CSMD3: variants seen among roughly 807,000 people sequenced by gnomAD.
The protein encoded by CSMD3 is CUB and Sushi multiple domains 3.
Under a neutral mutation model 435.2 loss-of-function variants are expected in CSMD3, and 177 were observed. The ratio of observed to expected loss-of-function variants is 0.41; its 90% CI spans 0.36 to 0.46. The LOEUF is 0.46. Ranked by LOEUF, CSMD3 falls within the 20% of genes least tolerant of loss-of-function variation. The pLI is 0.34. For synonymous variants in CSMD3, 1,656 were observed against 1,520.5 expected, an observed-to-expected ratio of 1.09 and a Z score of -2.07; for missense variants, 4,265 against 4,504.6, an observed-to-expected ratio of 0.95 and a Z score of 1.52.
intron 3 of CSMD3, among the ~76,000 whole-genome samples, chr8:113,266,153 C>T (rs551328408): frequency 3.5e-5 from 5 of 142,914 alleles, no homozygotes; most frequent in African/African-American, 1.3e-4. Flanking sequence ...ATTTTTAAAG[C>T]TTAGTAGTTG....
At chr8:112,716,208 A>T (rs1002847590) in intron 13 of CSMD3, among the ~76,000 whole-genome samples, 9 of 152,218 alleles carry the variant, frequency 5.9e-5, no homozygotes, top group Non-Finnish European at 8.8e-5. Context: ...CCTTAAGCTG[A>T]TAAGCACTTC....
intron 3 of CSMD3, among the ~76,000 whole-genome samples, chr8:113,211,643 C>T (rs558534210): frequency 2.2e-4 from 33 of 152,122 alleles, no homozygotes; most frequent in Admixed American, 3.9e-4. Flanking sequence ...GAGCCGAGAT[C>T]GCACCACTGC....
At chr8:112,444,479 G>A (rs1815377385) in intron 32 of CSMD3, among the ~76,000 whole-genome samples, 1 of 152,126 alleles carries the variant, frequency 6.6e-6, no homozygotes, top group Non-Finnish European at 1.5e-5. Context: ...AAGGACAATA[G>A]ATAAATGCCC....
At chr8:112,746,890 T>C (rs16884053) in intron 13 of CSMD3, among the ~76,000 whole-genome samples, 3,878 of 152,198 alleles carry the variant, frequency 0.025, 80 homozygotes, top group East Asian at 0.074. Flanking sequence ...CATGTTGTCA[T>C]TAACAAGTCT....
At chr8:113,253,156 C>T (rs974065097) in intron 3 of CSMD3, among the ~76,000 whole-genome samples, 33 of 152,080 alleles carry the variant, frequency 2.2e-4, no homozygotes, top group African/African-American at 7.7e-4. Context: ...CTGGACAGTA[C>T]CCAAGATAGT....
At chr8:113,146,844 T>C (rs2091686411) in intron 4 of CSMD3, among the ~76,000 whole-genome samples, 1 of 151,666 alleles carries the variant, frequency 6.6e-6, no homozygotes, top group African/African-American at 2.4e-5. Flanking sequence ...TCTCCAGAAA[T>C]ACTGAGGTAT....
intron 5 of CSMD3, among the ~76,000 whole-genome samples, chr8:113,037,048 T>TG (rs2087384492): frequency 6.6e-6 from 1 of 152,118 alleles, no homozygotes; most frequent in Admixed American, 6.5e-5. Context: ...GGAATACCCA[T>TG]GCACTATGCA....
intron 1 of CSMD3, among the ~76,000 whole-genome samples, chr8:113,327,975 TC>T (rs1432671522): frequency 6.6e-6 from 1 of 152,090 alleles, no homozygotes; most frequent in Non-Finnish European, 1.5e-5. Flanking sequence ...AGAACCAGTC[TC>T]TCACTTACGG....
At chr8:113,098,671 T>C in intron 5 of CSMD3, 85 bp downstream of exon 5, 2 of 914,632 alleles carry the variant, frequency 2.2e-6, no homozygotes, top group East Asian at 2.5e-5. Context: ...TATCCAAACC[T>C]GTAAAAGTCC....
At chr8:113,037,560 A>G (rs1294627382) in intron 5 of CSMD3, among the ~76,000 whole-genome samples, 1 of 152,108 alleles carries the variant, frequency 6.6e-6, no homozygotes, top group Non-Finnish European at 1.5e-5. Flanking sequence ...CTCAAATCCC[A>G]GTATGTTGTA....
At chr8:112,641,809 G>T (rs1044441349) in intron 20 of CSMD3, among the ~76,000 whole-genome samples, 1 of 152,044 alleles carries the variant, frequency 6.6e-6, no homozygotes, top group African/African-American at 2.4e-5. Context: ...GGGTGACAGG[G>T]TGAGAACCCA....
chr8:112,666,369 T>A lies in CSMD3; in HGVS notation c.2724A>T (p.Ser908=), dbSNP rs2131707847. The A allele has an allele frequency of 6.2e-7, 1 of 1,612,560 alleles. No individual in the cohort carries two copies. ...CTTTGTAGTATCCTGGCCATCCTGG[T>A]GAGAGAATCACTCCACTGGGAGCTG... ...HFSAPSGVIL[S]PGWPGYYKDS... is the part of the protein sequence containing the mutation. Residue 908 remains serine, a synonymous_variant, in exon 17 of 71, where the codon TCA becomes TCT. Transcript: ENST00000297405.
intron 41 of CSMD3, among the ~76,000 whole-genome samples, chr8:112,345,436 A>G (rs966188610): frequency 1.3e-5 from 2 of 152,192 alleles, no homozygotes; most frequent in African/African-American, 4.8e-5. Context: ...TCTGTCATAT[A>G]CAACAAAATG....
chr8:112,559,909 GA>G (rs1196994689), intron 24 of CSMD3, among the ~76,000 whole-genome samples: 1 of 151,662 alleles, frequency 6.6e-6, no homozygotes, highest in Non-Finnish European at 1.5e-5. Flanking sequence ...ATAGTTTTAT[GA>G]ATAAGGAAAA....
intron 5 of CSMD3, among the ~76,000 whole-genome samples, chr8:113,087,440 C>T (rs2089834151): frequency 6.6e-6 from 1 of 152,176 alleles, no homozygotes; most frequent in African/African-American, 2.4e-5. Context: ...AGGCATCATG[C>T]TACCTGACTT....
intron 10 of CSMD3, among the ~76,000 whole-genome samples, chr8:112,893,437 C>T (rs572710061): frequency 2.4e-4 from 37 of 151,522 alleles, no homozygotes; most frequent in African/African-American, 8.7e-4. Context: ...TAAATTAAAA[C>T]ATCTAGGGAT....
chr8:112,325,619 A>G (rs1823432305), intron 45 of CSMD3, among the ~76,000 whole-genome samples: 1 of 152,136 alleles, frequency 6.6e-6, no homozygotes, highest in East Asian at 1.9e-4. Flanking sequence ...ACTGACTGCT[A>G]GAGAAATGAA....
chr8:113,124,134 T>C (rs2091059824), intron 4 of CSMD3, among the ~76,000 whole-genome samples: 1 of 151,990 alleles, frequency 6.6e-6, no homozygotes, highest in Non-Finnish European at 1.5e-5. Flanking sequence ...GCTAGTTGTT[T>C]ATATTAATGT....
chr8:112,865,217 A>C (rs1190173901), intron 10 of CSMD3, among the ~76,000 whole-genome samples: 1 of 152,216 alleles, frequency 6.6e-6, no homozygotes, highest in African/African-American at 2.4e-5. Context: ...TCAGGCATTT[A>C]GATTTGTGCC....
Sources: gnomAD v4.1 joint callset for allele counts (sites outside exome capture counted in the v4.1 genomes callset) on GRCh38, gnomAD v4.1.1 for gene constraint, MANE v1.5 for transcripts, NCBI Gene and HGNC (gene_info 2026-07-23, HGNC 2026-07-21) for gene names.